The following TXNRD2 variants were observed in gnomAD, a reference collection of about 807,000 sequenced individuals.
TXNRD2 encodes the protein thioredoxin reductase 2.
TXNRD2 carries 67 observed loss-of-function variants against 70.8 expected under a neutral mutation model. The observed-to-expected ratio is 0.95, with a 90% CI of 0.78 to 1.16. The LOEUF is 1.16. TXNRD2 is among the 50% of genes most tolerant of loss of function. TXNRD2 has a pLI of 0.00. For missense variants in TXNRD2, 644 were observed against 719.9 expected, an observed-to-expected ratio of 0.89 and a Z score of 1.21; for synonymous variants, 301 against 295.8, an observed-to-expected ratio of 1.02 and a Z score of -0.18.
At chr22:19,921,734 G>C (rs74965969) in intron 2 of TXNRD2, among the ~76,000 whole-genome samples, 3,309 of 152,242 alleles carry the variant, frequency 0.022, 125 homozygotes, top group African/African-American at 0.075. Flanking sequence ...CAGTGAGGAG[G>C]GGGCTGCCCA....
intron 2 of TXNRD2, among the ~76,000 whole-genome samples, chr22:19,922,890 T>G (rs1441535093): frequency 6.6e-6 from 1 of 151,956 alleles, no homozygotes; most frequent in East Asian, 1.9e-4. Context: ...GGTTTCACCA[T>G]GTTGGTCAGG....
intron 4 of TXNRD2, 39 bp from the exon 5 acceptor site, chr22:19,918,256 A>C: frequency 6.4e-7 from 1 of 1,567,466 alleles, no homozygotes; most frequent in Non-Finnish European, 8.8e-7. Flanking sequence ...TCCACAACAC[A>C]GGTGTTAGCT....
At chr22:19,878,304 C>G in intron 15 of TXNRD2, 62 bp downstream of exon 15, 2 of 1,604,166 alleles carry the variant, frequency 1.2e-6, no homozygotes, top group South Asian at 2.2e-5. Flanking sequence ...GGTGTTCACC[C>G]TGCCAGGCTC....
chr22:19,900,316 G>A (rs917394484), intron 8 of TXNRD2, among the ~76,000 whole-genome samples: 5 of 152,054 alleles, frequency 3.3e-5, no homozygotes, highest in East Asian at 1.9e-4. Context: ...CAGGCACCAC[G>A]GTATGCACGC....
intron 10 of TXNRD2, 25 bp downstream of exon 10, chr22:19,898,014 C>CG (rs1424230268): frequency 1.7e-5 from 26 of 1,543,522 alleles, no homozygotes; most frequent in Non-Finnish European, 2.2e-5. Context: ...GCCACAGGGG[C>CG]GGGAGCTGGG....
At chr22:19,890,823 A>G (rs1268525787) in intron 11 of TXNRD2, among the ~76,000 whole-genome samples, 1 of 152,198 alleles carries the variant, frequency 6.6e-6, no homozygotes, top group Non-Finnish European at 1.5e-5. Flanking sequence ...AGCTGAGCAA[A>G]GACAGTTGCC....
At chr22:19,909,307 AACAGATGC>A (rs1940212017) in intron 8 of TXNRD2, among the ~76,000 whole-genome samples, 1 of 152,132 alleles carries the variant, frequency 6.6e-6, no homozygotes, top group African/African-American at 2.4e-5. Context: ...TCTGATGGTA[AACAGATGC>A]ACCTCCAAGG....
intron 13 of TXNRD2, 64 bp downstream of exon 13, chr22:19,880,558 A>G (rs777817219): frequency 4.0e-6 from 6 of 1,488,296 alleles, no homozygotes; most frequent in Non-Finnish European, 5.6e-6. Flanking sequence ...CCCTCACCCC[A>G]GAAGAGCTAG....
chr22:19,912,948 G>A (rs940464366), intron 7 of TXNRD2, among the ~76,000 whole-genome samples: 17 of 152,214 alleles, frequency 1.1e-4, no homozygotes, highest in East Asian at 1.9e-4. Flanking sequence ...GTCAGAGGTG[G>A]TGTGGCCTCC....
In TXNRD2 at chr22:19,911,454, A is replaced by G; in HGVS notation, c.592-7T>C. 1 of 1,612,054 alleles carries G rather than the reference A, an allele frequency of 6.2e-7. No homozygotes were observed. The highest frequency in any genetic ancestry group is 8.5e-7 in the Non-Finnish European group (1 of 1,178,250). ...ATTCCAAGGCACCTTCGATCTGTCA[A>G]GACAGAAATGACCCCTTGGACAAGA... On this transcript the variant is annotated splice_region_variant and splice_polypyrimidine_tract_variant and intron_variant, in intron 7 of 17. Coordinates refer to ENST00000400521, the MANE Select transcript of TXNRD2 (RefSeq NM_006440.5).
chr22:19,879,656 TG>T (rs1233254394), intron 14 of TXNRD2, among the ~76,000 whole-genome samples: 4 of 151,556 alleles, frequency 2.6e-5, no homozygotes, highest in African/African-American at 7.3e-5. Context: ...CGGAGGCCCC[TG>T]GGAGAAACTT....
chr22:19,880,099 C>G, intron 14 of TXNRD2, 80 bp downstream of exon 14: 4 of 1,467,300 alleles, frequency 2.7e-6, no homozygotes, highest in Non-Finnish European at 3.8e-6. Flanking sequence ...TGGCACCCTG[C>G]TCACAAGGCC....
chr22:19,931,030 C>T lies in TXNRD2; in HGVS notation c.172G>A (p.Ala58Thr), dbSNP rs764378793. 8 of 1,613,564 alleles carry T rather than the reference C, an allele frequency of 5.0e-6. No homozygotes were observed. Among genetic ancestry groups the T allele is most frequent in the East Asian group, 2.2e-5 (1 of 44,896 alleles). Residue 58 changes from alanine (A) to threonine (T), a missense_variant and splice_region_variant, in exon 2 of 18, where the codon GCC becomes ACC. Physicochemically the swap from Ala to Thr is moderately conservative, Grantham distance 58 (BLOSUM62 0). Around this residue, in one of 3 missense-constraint regions of TXNRD2, gnomAD observed 566 missense variants for 645.0 expected, o/e 0.88. Coordinates refer to ENST00000400521, the MANE Select transcript of TXNRD2 (RefSeq NM_006440.5). ...GCCACGAAGTATACAGAATACATAC[C>T]CTCCTTGGCACAAGCCAGGCCACCA... ...GSGGLACAKE[A>T]AQLGRKVAVV...
Position 19,892,113 on chromosome 22 carries a change from C to T in TXNRD2, c.949+3294G>A, listed in dbSNP as rs1160492932. Among the ~76,000 whole-genome samples the T allele has an allele frequency of 5.3e-5, 8 of 152,374 alleles. No individual in the cohort carries two copies. In the East Asian group the frequency reaches 1.5e-3, roughly 29 times the overall value. ...GCCCAGCTTGTGCGGACGTAGTGCA[C>T]ACCCGGTACAGGAAGCAGAGTCGGA... On this transcript the variant is annotated intron_variant, in intron 11 of 17. Transcript: ENST00000400521.
intron 4 of TXNRD2, 151 bp downstream of exon 4, chr22:19,918,709 G>C: frequency 1.0e-6 from 1 of 958,706 alleles, no homozygotes; most frequent in Non-Finnish European, 1.6e-6. Flanking sequence ...ATTCCCAAAT[G>C]TCTGAGGCAG....
At chr22:19,919,117 AC>A in intron 3 of TXNRD2, 113 bp from the exon 4 acceptor site, 1 of 1,012,718 alleles carries the variant, frequency 9.9e-7, no homozygotes, top group Non-Finnish European at 1.5e-6. Flanking sequence ...TCTAACACAG[AC>A]CAGCTGACAT....
intron 8 of TXNRD2, 47 bp downstream of exon 8, chr22:19,911,330 C>G (rs1208310782): frequency 3.4e-6 from 5 of 1,479,784 alleles, no homozygotes; most frequent in Non-Finnish European, 4.7e-6. Context: ...CCAGTGCTCA[C>G]TCTGGTGAAC....
rs777384922 is a variant in TXNRD2, at chr22:19,931,089, C to T, written c.113G>A (p.Arg38Gln). The T allele has an allele frequency of 1.8e-5, 29 of 1,613,368 alleles. No homozygotes were observed. In the Admixed American group the frequency reaches 2.3e-4, roughly 13 times the overall value. Residue 38 changes from arginine to glutamine, a missense_variant, in exon 2 of 18, where the codon CGG (arginine) becomes CAG (glutamine). Transcript: ENST00000400521. ...GCCGACCACCAGGAGATCATAGTCCCGCTGACCTGCTGAGAGAAGGGATGA... is the reference window on the plus strand; with the variant it reads ...GCCGACCACCAGGAGATCATAGTCCTGCTGACCTGCTGAGAGAAGGGATGA... ...GAARGAAAGQ[R>Q]DYDLLVVGGG...
intron 9 of TXNRD2, among the ~76,000 whole-genome samples, chr22:19,898,667 A>G (rs1159302391): frequency 1.3e-5 from 2 of 152,010 alleles, no homozygotes; most frequent in African/African-American, 4.8e-5. Context: ...GGCATGAGCC[A>G]CCGCGCCCGG....
Sources: allele counts gnomAD v4.1 joint callset (sites outside exome capture counted in the v4.1 genomes callset), GRCh38; gene constraint gnomAD v4.1.1; regional missense constraint gnomAD v4.1.1; transcripts MANE v1.5; gene names NCBI Gene and HGNC (gene_info 2026-07-23, HGNC 2026-07-21).